Variants in C10orf90 observed in about 807,000 individuals in gnomAD.
C10orf90 encodes the protein (E2-independent) E3 ubiquitin-conjugating enzyme FATS.
Under a neutral mutation model 62.5 loss-of-function variants are expected in C10orf90, and 56 were observed. The ratio of observed to expected loss-of-function variants is 0.90; its 90% CI spans 0.72 to 1.12. The LOEUF is 1.12. Among genes scored for constraint, C10orf90 ranks in the 50% most tolerant of loss-of-function variants. The pLI, the probability that C10orf90 is intolerant of heterozygous loss-of-function variation, is 0.00. For synonymous variants in C10orf90, 386 were observed against 340.4 expected (o/e 1.13, Z -1.47); for missense variants, 970 against 880.4 (o/e 1.10, Z -1.29).
chr10:126,582,219 T>A (rs537022777), intron 2 of C10orf90, among the ~76,000 whole-genome samples: 2 of 152,254 alleles, frequency 1.3e-5, no homozygotes, highest in Admixed American at 1.3e-4. Context: ...CAAAGAGCCA[T>A]GGGTAGTACA....
intron 4 of C10orf90, among the ~76,000 whole-genome samples, chr10:126,481,518 C>A (rs1284890138): frequency 6.6e-6 from 1 of 152,356 alleles, no homozygotes; most frequent in African/African-American, 2.4e-5. Flanking sequence ...TGGTTTGAGA[C>A]AGAGTCCACA....
chr10:126,501,136 G>A (rs1862356672), intron 4 of C10orf90, among the ~76,000 whole-genome samples: 1 of 152,228 alleles, frequency 6.6e-6, no homozygotes. Flanking sequence ...GTTCCTCTGA[G>A]TTTTAATGAG....
At chr10:126,465,361 T>C (rs1050606362) in intron 4 of C10orf90, among the ~76,000 whole-genome samples, 4 of 151,706 alleles carry the variant, frequency 2.6e-5, no homozygotes, top group Non-Finnish European at 5.9e-5. Context: ...ATTATTATAT[T>C]ATTTAGGTTT....
At chr10:126,596,162 G>C (rs1845081553) in intron 2 of C10orf90, among the ~76,000 whole-genome samples, 1 of 149,622 alleles carries the variant, frequency 6.7e-6, no homozygotes, top group African/African-American at 2.5e-5. Flanking sequence ...AAAAAGCCAG[G>C]CATGGTAGCA....
chr10:126,610,847 C>A (rs193121736), intron 2 of C10orf90, among the ~76,000 whole-genome samples: 1 of 152,242 alleles, frequency 6.6e-6, no homozygotes, highest in Non-Finnish European at 1.5e-5. Context: ...AATGAAGCCC[C>A]ATCTGAAAAC....
chr10:126,637,094 A>T (rs1436791), intron 2 of C10orf90, among the ~76,000 whole-genome samples: 55,701 of 151,986 alleles, frequency 0.37, 10,410 homozygotes, highest in South Asian at 0.51. Flanking sequence ...CACCAAAAAT[A>T]ATGCATAAGC....
chr10:126,547,236 G>A (rs928824648), intron 2 of C10orf90, among the ~76,000 whole-genome samples: 10 of 152,096 alleles, frequency 6.6e-5, no homozygotes, highest in South Asian at 4.1e-4. Flanking sequence ...TGGCTAACGC[G>A]GTGAAACCCC....
chr10:126,515,409 C>A (rs1000839981), intron 2 of C10orf90, among the ~76,000 whole-genome samples: 7 of 152,294 alleles, frequency 4.6e-5, no homozygotes, highest in Middle Eastern at 3.4e-3. Flanking sequence ...CATTTTCTAT[C>A]TTTTAGCCTG....
At chr10:126,572,520 A>G (rs1158337994) in intron 2 of C10orf90, among the ~76,000 whole-genome samples, 1 of 152,054 alleles carries the variant, frequency 6.6e-6, no homozygotes, top group Admixed American at 6.5e-5. Context: ...TAGACCATAT[A>G]GAGTAACTTC....
chr10:126,646,437 A>C (rs763267499), intron 2 of C10orf90, 128 bp downstream of exon 2: 15 of 265,442 alleles, frequency 5.7e-5, no homozygotes, highest in Non-Finnish European at 9.7e-5. Context: ...CTGAGCTATC[A>C]TCTCACGTTT....
chr10:126,496,597 C>T, intron 4 of C10orf90: 2 of 920,014 alleles, frequency 2.2e-6, no homozygotes, highest in South Asian at 5.0e-5. Flanking sequence ...CCCCGCCACC[C>T]TCCACTTCAA....
intron 2 of C10orf90, among the ~76,000 whole-genome samples, chr10:126,619,223 C>T (rs1331710775): frequency 2.0e-5 from 3 of 152,152 alleles, no homozygotes; most frequent in Non-Finnish European, 4.4e-5. Flanking sequence ...GCTTGTTTCT[C>T]ATTAATGCCT....
At position 126,461,424 on chromosome 10, in the gene C10orf90, G is replaced by T. The variant is rs1411413409; in HGVS notation, c.1987C>A (p.Pro663Thr). Reference protein sequence around the residue: ...SEDCSESQQTPARSLTLQEAL... With the variant: ...SEDCSESQQTTARSLTLQEAL... ...ACTTGCAAGGTCAAAGATCTTGCAG[G>T]CGTTTGCTGAGACTCAGAACAGTCT... Residue 663 changes from proline (P) to threonine (T), a missense_variant, in exon 6 of 10, where the codon CCT becomes ACT. Transcript: ENST00000488181. 2 of 1,614,096 alleles carry T rather than the reference G, an allele frequency of 1.2e-6. No individual in the cohort carries two copies. Among genetic ancestry groups the T allele is most frequent in the South Asian group, 2.2e-5 (2 of 91,088 alleles).
At chr10:126,533,655 A>G (rs2133958650) in intron 2 of C10orf90, among the ~76,000 whole-genome samples, 1 of 152,334 alleles carries the variant, frequency 6.6e-6, no homozygotes, top group African/African-American at 2.4e-5. Flanking sequence ...TGGGGAAATA[A>G]CAAGGAGATA....
chr10:126,586,664 AAAG>A (rs1179124560), intron 2 of C10orf90, among the ~76,000 whole-genome samples: 1 of 152,144 alleles, frequency 6.6e-6, no homozygotes, highest in African/African-American at 2.4e-5. Flanking sequence ...AAGTTAGGAA[AAAG>A]AAGTGCCGGA....
Position 126,571,391 on chromosome 10 carries a change from C to T in C10orf90, c.314-57452G>A, listed in dbSNP as rs551579022. 9.9e-5 allele frequency among the ~76,000 whole-genome samples: 15 copies of T among 152,266 alleles called. No individual in the cohort carries two copies. The South Asian group carries it at 2.1e-3, about 21-fold the overall frequency. On this transcript the variant is annotated intron_variant, in intron 2 of 9. Coordinates refer to ENST00000488181, the MANE Select transcript of C10orf90 (RefSeq NM_001350921.2). The stretch of plus-strand genomic sequence containing the variant: ...GGTGGCCCAAGTCACCCAGGAGCAG[C>T]GCAGTTGGGAACCTGCAGGGCTGCT...
intron 4 of C10orf90, among the ~76,000 whole-genome samples, chr10:126,499,676 A>G (rs1862267785): frequency 6.6e-6 from 1 of 152,224 alleles, no homozygotes; most frequent in South Asian, 2.1e-4. Flanking sequence ...CCTTCCAGTC[A>G]TCCACATCTT....
In C10orf90 at chr10:126,504,347, T is replaced by C; in HGVS notation, c.1144A>G (p.Met382Val). ...TTGAGCGACAGGACGGATCTGTGCATTTTGGGGCTGGCAATTTGAGGTGGC... is the reference window on the plus strand; with the variant it reads ...TTGAGCGACAGGACGGATCTGTGCACTTTGGGGCTGGCAATTTGAGGTGGC... ...IEPPQIASPKMHRSVLSLNLN... is the reference protein window; with the variant it reads ...IEPPQIASPKVHRSVLSLNLN... The change falls in exon 4 of 10, where the codon ATG becomes GTG. Residue 382 changes from methionine (M) to valine (V), a missense_variant. Transcript: ENST00000488181. The surrounding 1 kb of genome is among the most constrained non-coding windows in gnomAD (Gnocchi z 4.1). The C allele has an allele frequency of 6.2e-7, 1 of 1,614,130 alleles. No homozygotes were observed. The highest frequency in any genetic ancestry group is 8.5e-7 in the Non-Finnish European group (1 of 1,180,034).
intron 2 of C10orf90, among the ~76,000 whole-genome samples, chr10:126,592,987 T>C (rs4378301): frequency 6.6e-6 from 1 of 152,156 alleles, no homozygotes; most frequent in African/African-American, 2.4e-5. Flanking sequence ...CACAATAAGA[T>C]ACCATGTCAT....
Sources: allele counts gnomAD v4.1 joint callset (sites outside exome capture counted in the v4.1 genomes callset), GRCh38; gene constraint gnomAD v4.1.1; non-coding constraint Gnocchi (gnomAD v3.1); transcripts MANE v1.5; gene names NCBI Gene and HGNC (gene_info 2026-07-23, HGNC 2026-07-21).